The following TAFA2 variants were observed in gnomAD, a reference collection of about 807,000 sequenced individuals.
TAFA2 encodes the protein TAFA chemokine like family member 2.
TAFA2 carries 7 observed loss-of-function variants against 18.8 expected under a neutral mutation model. That is an observed-to-expected ratio of 0.37 (90% CI 0.21 to 0.70). TAFA2 has a LOEUF of 0.70. Among genes scored for constraint, TAFA2 ranks in the 30% least tolerant of loss-of-function variants. The pLI is 0.53. For missense variants in TAFA2, 122 were observed against 158.1 expected, an observed-to-expected ratio of 0.77 and a Z score of 1.23; for synonymous variants, 60 against 54.2, an observed-to-expected ratio of 1.11 and a Z score of -0.47.
At chr12:61,893,674 A>T (rs1875726010) in intron 1 of TAFA2, among the ~76,000 whole-genome samples, 1 of 152,144 alleles carries the variant, frequency 6.6e-6, no homozygotes, top group South Asian at 2.1e-4. Flanking sequence ...TTAATAAACA[A>T]CTCCAAAGAT....
intron 2 of TAFA2, among the ~76,000 whole-genome samples, chr12:61,756,636 T>C (rs1869280429): frequency 6.6e-6 from 1 of 152,030 alleles, no homozygotes; most frequent in South Asian, 2.1e-4. Flanking sequence ...AAACAAATAA[T>C]AAGCACCCAC....
At chr12:61,993,272 TAA>T (rs1177125590) in intron 1 of TAFA2, among the ~76,000 whole-genome samples, 2 of 152,208 alleles carry the variant, frequency 1.3e-5, no homozygotes, top group East Asian at 1.9e-4. Flanking sequence ...CTCATCCATA[TAA>T]GTCATTCCAA....
At chr12:61,851,357 G>A (rs1259858927) in intron 2 of TAFA2, among the ~76,000 whole-genome samples, 1 of 152,164 alleles carries the variant, frequency 6.6e-6, no homozygotes. Context: ...GCATAAAGGG[G>A]CATAGTGCCT....
Position 62,033,013 on chromosome 12 carries a change from C to T in TAFA2, c.-2+158246G>A, listed in dbSNP as rs180903054. ...CAAACCGCAACCTCTTCTTCTCCCC[C>T]AGCTAAGGATCTGCCCTGCATGGAA... On this transcript the variant is annotated intron_variant, in intron 1 of 4. Coordinates refer to ENST00000416284, the MANE Select transcript of TAFA2 (RefSeq NM_178539.5). Among the ~76,000 whole-genome samples, 188 of 152,192 alleles carry T rather than the reference C, an allele frequency of 1.2e-3. 1 individual carries two copies. Among genetic ancestry groups the T allele is most frequent in the African/African-American group, 4.2e-3 (174 of 41,514 alleles).
Position 61,793,995 on chromosome 12 carries a change from T to C in TAFA2, c.107-38971A>G, listed in dbSNP as rs112397781. ...CACAAACTTTTGACAAAATACAATA[T>C]CTATTCATGACTCTAAAAAATAAGC... On this transcript the variant is annotated intron_variant, in intron 2 of 4. Coordinates refer to ENST00000416284, the MANE Select transcript of TAFA2 (RefSeq NM_178539.5). Among the ~76,000 whole-genome samples the C allele has an allele frequency of 7.9e-4, 120 of 152,012 alleles. 1 individual carries two copies. Among genetic ancestry groups the C allele is most frequent in the African/African-American group, 2.7e-3 (114 of 41,520 alleles).
chr12:61,919,315 G>A (rs1002306813), intron 1 of TAFA2, among the ~76,000 whole-genome samples: 7 of 152,032 alleles, frequency 4.6e-5, no homozygotes, highest in Non-Finnish European at 8.8e-5. Context: ...CCCGCCCCTG[G>A]CCACTACCCC....
At chr12:62,021,141 G>C (rs778098216) in intron 1 of TAFA2, among the ~76,000 whole-genome samples, 2 of 152,122 alleles carry the variant, frequency 1.3e-5, no homozygotes, top group African/African-American at 4.8e-5. Context: ...TTATGGAGAC[G>C]AACAGAGAAA....
intron 1 of TAFA2, among the ~76,000 whole-genome samples, chr12:62,108,889 A>C (rs1869591313): frequency 6.6e-6 from 1 of 152,186 alleles, no homozygotes; most frequent in South Asian, 2.1e-4. Context: ...GCCCTTTGTC[A>C]GATGGAAAGA....
chr12:62,103,620 A>C (rs1869306018), intron 1 of TAFA2, among the ~76,000 whole-genome samples: 1 of 152,188 alleles, frequency 6.6e-6, no homozygotes, highest in African/African-American at 2.4e-5. Context: ...GTATGCCTGT[A>C]GTCCCAGCTA....
chr12:61,822,191 C>A (rs963576643), intron 2 of TAFA2, among the ~76,000 whole-genome samples: 1 of 152,004 alleles, frequency 6.6e-6, no homozygotes, highest in African/African-American at 2.4e-5. Flanking sequence ...AAAAAATACT[C>A]ATTTTTCTCT....
intron 1 of TAFA2, among the ~76,000 whole-genome samples, chr12:61,982,581 T>A (rs1374965523): frequency 6.6e-6 from 1 of 152,100 alleles, no homozygotes; most frequent in African/African-American, 2.4e-5. Flanking sequence ...TTATATCCAG[T>A]TTTTTGCTTT....
chr12:62,022,847 T>C (rs1881190695), intron 1 of TAFA2, among the ~76,000 whole-genome samples: 1 of 152,110 alleles, frequency 6.6e-6, no homozygotes, highest in Admixed American at 6.5e-5. Context: ...AAGATATGAG[T>C]GTATACCAGC....
intron 1 of TAFA2, among the ~76,000 whole-genome samples, chr12:62,212,705 G>A (rs1359660734): frequency 1.3e-5 from 2 of 152,124 alleles, no homozygotes; most frequent in Admixed American, 6.5e-5. Context: ...ACTAATAAAA[G>A]CGAAACATTT....
intron 2 of TAFA2, among the ~76,000 whole-genome samples, chr12:61,820,626 C>A (rs375261977): frequency 2.0e-4 from 30 of 152,050 alleles, no homozygotes; most frequent in African/African-American, 7.0e-4. Flanking sequence ...AATTATACTA[C>A]CTTTTGTTTC....
chr12:61,814,701 G>A lies in TAFA2; in HGVS notation c.106+52619C>T, dbSNP rs1413329238. Among the ~76,000 whole-genome samples, 4 of 151,302 alleles carry A rather than the reference G, an allele frequency of 2.6e-5. 1 individual carries two copies. Among genetic ancestry groups the A allele is most frequent in the African/African-American group, 9.8e-5 (4 of 40,614 alleles). On this transcript the variant is annotated intron_variant, in intron 2 of 4. Transcript: ENST00000416284. ...TTCAGCAAAGGATCTTGAGATGGAAGATTATTCTGGATTATCTCAGTGGGT... is the reference window on the plus strand; with the variant it reads ...TTCAGCAAAGGATCTTGAGATGGAAAATTATTCTGGATTATCTCAGTGGGT...
At chr12:61,735,070 C>CTT (rs528368214) in intron 4 of TAFA2, among the ~76,000 whole-genome samples, 19 of 152,064 alleles carry the variant, frequency 1.2e-4, no homozygotes, top group African/African-American at 4.6e-4. Context: ...TTAGTTAGAA[C>CTT]TTAATTAGAG....
chr12:61,801,462 A>G (rs1348170254), intron 2 of TAFA2, among the ~76,000 whole-genome samples: 1 of 152,114 alleles, frequency 6.6e-6, no homozygotes, highest in African/African-American at 2.4e-5. Flanking sequence ...TCACATATTT[A>G]CTGCCAGTTT....
intron 1 of TAFA2, among the ~76,000 whole-genome samples, chr12:61,920,038 T>C (rs1055297614): frequency 6.6e-6 from 1 of 152,208 alleles, no homozygotes; most frequent in African/African-American, 2.4e-5. Context: ...GTAATGACTC[T>C]AATGGCAATT....
At chr12:61,830,923 A>C (rs780527389) in intron 2 of TAFA2, among the ~76,000 whole-genome samples, 1 of 152,102 alleles carries the variant, frequency 6.6e-6, no homozygotes, top group Non-Finnish European at 1.5e-5. Flanking sequence ...CAAACATATC[A>C]GAATTTTTAC....
Sources: gnomAD v4.1 joint callset for allele counts (sites outside exome capture counted in the v4.1 genomes callset) on GRCh38, gnomAD v4.1.1 for gene constraint, MANE v1.5 for transcripts, NCBI Gene and HGNC (gene_info 2026-07-23, HGNC 2026-07-21) for gene names.